Variants in APLF observed in about 807,000 individuals in gnomAD.
APLF encodes aprataxin and PNKP like factor.
A neutral mutation model predicts 55.6 loss-of-function variants in APLF; 61 were observed. The observed-to-expected ratio is 1.10, with a 90% confidence interval of 0.89 to 1.36. The LOEUF (loss-of-function observed/expected upper bound fraction) is 1.36. Among genes scored for constraint, APLF ranks in the 40% most tolerant of loss-of-function variants. The pLI is 0.00. For missense variants in APLF, 611 were observed against 602.5 expected (o/e 1.01, Z -0.15); for synonymous variants, 207 against 214.8 (o/e 0.96, Z 0.32).
Position 68,538,108 on chromosome 2 carries a change from C to T in APLF, c.1041C>T (p.Ser347=), listed in dbSNP as rs751357490. 1.2e-6 allele frequency: 2 copies of T among 1,613,942 alleles called. No individual in the cohort carries two copies. The highest frequency in any genetic ancestry group is 1.3e-5 in the African/African-American group (1 of 74,906). The change falls in exon 7 of 10, where the codon TCC becomes TCT. Residue 347 remains serine, a synonymous_variant. Transcript: ENST00000303795. Reference sequence around the variant, plus strand: ...AGTCTCAAGGGTCTCATTCTGAGTCCAGCTCTAATCCCTCCAATCCTGAAA... The same window carrying T: ...AGTCTCAAGGGTCTCATTCTGAGTCTAGCTCTAATCCCTCCAATCCTGAAA... ...QDESQGSHSE[S]SSNPSNPETL...
intron 9 of APLF, among the ~76,000 whole-genome samples, chr2:68,575,290 A>G (rs957725817): frequency 3.3e-5 from 5 of 152,208 alleles, no homozygotes; most frequent in Admixed American, 3.3e-4. Flanking sequence ...GGTGATGACC[A>G]TGCTTGGACT....
At chr2:68,547,443 T>G (rs1274489500) in intron 8 of APLF, among the ~76,000 whole-genome samples, 1 of 151,734 alleles carries the variant, frequency 6.6e-6, no homozygotes, top group African/African-American at 2.4e-5. Context: ...TAATGAAGAA[T>G]AGGTGGCAGG....
chr2:68,520,276 T>C (rs1669859367), intron 5 of APLF, among the ~76,000 whole-genome samples: 1 of 152,122 alleles, frequency 6.6e-6, no homozygotes, highest in African/African-American at 2.4e-5. Context: ...GTCTGTTTAC[T>C]CTGCTGATTA....
chr2:68,513,433 A>G (rs1005435618), intron 4 of APLF, 115 bp from the exon 5 acceptor site: 5 of 1,306,926 alleles, frequency 3.8e-6, no homozygotes, highest in Non-Finnish European at 5.3e-6. Context: ...AATTTTATGA[A>G]CTCAGTCTAC....
intron 8 of APLF, among the ~76,000 whole-genome samples, chr2:68,545,877 C>G (rs940179726): frequency 6.6e-6 from 1 of 152,156 alleles, no homozygotes; most frequent in African/African-American, 2.4e-5. Flanking sequence ...AGCAAGGACT[C>G]TCATCTTTGT....
chr2:68,498,550 C>T (rs1436904072), intron 2 of APLF, among the ~76,000 whole-genome samples: 1 of 152,166 alleles, frequency 6.6e-6, no homozygotes, highest in Admixed American at 6.5e-5. Context: ...CTGTAGCTCT[C>T]CAGCAGTTCT....
intron 8 of APLF, among the ~76,000 whole-genome samples, chr2:68,547,406 G>A (rs1417038116): frequency 1.3e-5 from 2 of 151,660 alleles, no homozygotes; most frequent in African/African-American, 2.4e-5. Context: ...GATTACAAAG[G>A]ATAAAAATAG....
In APLF at chr2:68,538,973, A is replaced by C. The variant is rs72901978; in HGVS notation, c.1160+746A>C. ...ACATATAAAACATTCAGTTCCCCCC[A>C]CTGTATCTTAAAAGCCTATAGCAGG... On this transcript the variant is annotated intron_variant, in intron 7 of 9. Transcript: ENST00000303795. Among the ~76,000 whole-genome samples, 510 of 152,208 alleles carry C rather than the reference A, an allele frequency of 3.4e-3. 2 individuals are homozygous for C. The highest frequency in any genetic ancestry group is 0.012 in the African/African-American group (490 of 41,538).
At chr2:68,479,567 G>A (rs1675886371) in intron 1 of APLF, among the ~76,000 whole-genome samples, 1 of 152,216 alleles carries the variant, frequency 6.6e-6, no homozygotes, top group Admixed American at 6.5e-5. Context: ...AGCAGTGCCA[G>A]TTACCAAACC....
intron 8 of APLF, among the ~76,000 whole-genome samples, chr2:68,546,223 G>C (rs990157987): frequency 6.6e-6 from 1 of 151,964 alleles, no homozygotes; most frequent in African/African-American, 2.4e-5. Flanking sequence ...ACAACTTTAA[G>C]AAACAGATAC....
At position 68,526,180 on chromosome 2, in the gene APLF, G is replaced by C; in HGVS notation, c.742G>C (p.Glu248Gln). 6.2e-7 allele frequency: 1 copy of C among 1,613,958 alleles called. No homozygotes were observed. The highest frequency in any genetic ancestry group is 1.1e-5 in the South Asian group (1 of 91,078). ...AGGAAGTTCAGAAAATACATCAGCA[G>C]AACAAGACACAGGAGAAGAGTGCAA... ...SSGSSENTSA[E>Q]QDTGEECKNT... The change falls in exon 6 of 10, where the codon GAA becomes CAA. Residue 248 changes from glutamate (E) to glutamine (Q), a missense_variant. Glu to Gln is a conservative substitution (Grantham distance 29). Coordinates refer to ENST00000303795, the MANE Select transcript of APLF (RefSeq NM_173545.3).
intron 8 of APLF, among the ~76,000 whole-genome samples, chr2:68,549,354 A>G (rs1405082022): frequency 6.6e-6 from 1 of 152,082 alleles, no homozygotes; most frequent in Non-Finnish European, 1.5e-5. Context: ...AAAAATTGTG[A>G]AAGTTGCCTG....
intron 1 of APLF, among the ~76,000 whole-genome samples, chr2:68,485,736 C>T (rs1049616469): frequency 3.3e-5 from 5 of 151,648 alleles, no homozygotes; most frequent in South Asian, 2.1e-4. Flanking sequence ...GCCTTACCCT[C>T]TGATAATACT....
At chr2:68,517,636 AT>A (rs1669660425) in intron 5 of APLF, among the ~76,000 whole-genome samples, 1 of 144,632 alleles carries the variant, frequency 6.9e-6, no homozygotes, top group Non-Finnish European at 1.5e-5. Flanking sequence ...ATGTAACAAT[AT>A]ATCACTAATA....
chr2:68,499,766 A>G (rs1676665446), intron 2 of APLF, among the ~76,000 whole-genome samples: 1 of 152,156 alleles, frequency 6.6e-6, no homozygotes, highest in Admixed American at 6.5e-5. Context: ...TTGAACCTGG[A>G]GGCAGAGGTT....
At chr2:68,518,801 C>CTAT (rs1202044430) in intron 5 of APLF, among the ~76,000 whole-genome samples, 1 of 84,462 alleles carries the variant, frequency 1.2e-5, no homozygotes, top group East Asian at 9.4e-4. Context: ...TATTAATAAT[C>CTAT]TATCATATAA....
chr2:68,524,240 A>G (rs984922939), intron 5 of APLF, among the ~76,000 whole-genome samples: 1 of 152,198 alleles, frequency 6.6e-6, no homozygotes, highest in African/African-American at 2.4e-5. Flanking sequence ...CTATTTTCTA[A>G]TTTAGATTCA....
At chr2:68,538,532 C>A (rs1670461573) in intron 7 of APLF, among the ~76,000 whole-genome samples, 1 of 137,982 alleles carries the variant, frequency 7.2e-6, no homozygotes, top group South Asian at 2.3e-4. Flanking sequence ...GTTATTTAGT[C>A]TTTTCTTAAA....
intron 3 of APLF, among the ~76,000 whole-genome samples, chr2:68,511,221 C>T (rs1191112534): frequency 2.6e-5 from 4 of 151,640 alleles, no homozygotes; most frequent in Non-Finnish European, 5.9e-5. Context: ...ACTCAATTAC[C>T]TTTACTAGAC....
Sources: gnomAD v4.1 joint callset for allele counts (sites outside exome capture counted in the v4.1 genomes callset) on GRCh38, gnomAD v4.1.1 for gene constraint, MANE v1.5 for transcripts, NCBI Gene and HGNC (gene_info 2026-07-23, HGNC 2026-07-21) for gene names.